TAB1: variants seen among roughly 807,000 people sequenced by gnomAD.
TAB1 encodes the protein TGF-beta activated kinase 1 (MAP3K7) binding protein 1, also known as TGF-beta-activated kinase 1 and MAP3K7-binding protein 1.
Under a neutral mutation model 54.5 loss-of-function variants are expected in TAB1, and 30 were observed. That is an observed-to-expected ratio of 0.55 (90% CI 0.41 to 0.75). TAB1 has a LOEUF of 0.75. Among genes scored for constraint, TAB1 ranks in the 30% least tolerant of loss-of-function variants. The pLI is 0.00. For missense variants in TAB1, 609 were observed against 683.2 expected (o/e 0.89, Z 1.21); for synonymous variants, 289 against 286.9 (o/e 1.01, Z -0.07).
chr22:39,421,688 C>A lies in TAB1; in HGVS notation c.777-139C>A, dbSNP rs555036897. The A allele has an allele frequency of 5.8e-5, 55 of 943,128 alleles. No individual in the cohort carries two copies. The South Asian group carries it at 9.1e-4, about 16-fold the overall frequency. 58.4% of individuals were successfully genotyped at this position (943,128 alleles called of 1,614,324 possible). A position where few individuals can be genotyped will look rare whatever the true frequency, so the allele number is the denominator to read the frequency against. On this transcript the variant is annotated intron_variant, in intron 7 of 10. Coordinates refer to ENST00000216160, the MANE Select transcript of TAB1 (RefSeq NM_006116.3). Reference sequence around the variant, plus strand: ...GATGGGTCTATTTTTCTGACCTTCTCTTTCTCTCTTTTCTTTTCCTCTTGT... The same window carrying A: ...GATGGGTCTATTTTTCTGACCTTCTATTTCTCTCTTTTCTTTTCCTCTTGT...
downstream of TAB1, chr22:39,431,956 G>A: frequency 1.2e-6 from 1 of 863,582 alleles, no homozygotes; most frequent in Non-Finnish European, 1.4e-6. Flanking sequence ...TCACTGCCCT[G>A]GAGGTTCAAG....
rs1369884709 is a variant in TAB1, at chr22:39,431,329, C to A, written c.*1107C>A. 4 of 985,466 alleles carry A rather than the reference C, an allele frequency of 4.1e-6. No homozygotes were observed. Among genetic ancestry groups the A allele is most frequent in the Non-Finnish European group, 4.8e-6 (4 of 830,064 alleles). 61.0% of individuals were successfully genotyped at this position (985,466 alleles called of 1,614,324 possible). On this transcript the variant is annotated 3_prime_UTR_variant, in exon 11 of 11. Transcript: ENST00000216160. ...AGGGCTGTCGGCCAGGATTGCCACT[C>A]CTGTTTCAGAGGAAGCAGGCCGAGA...
In TAB1 at chr22:39,431,134, G is replaced by A. The variant is rs577057947; in HGVS notation, c.*912G>A. Reference sequence around the variant, plus strand: ...AAGCAGGGGTTGTGAGTCAGGCTGGGGGACTTGTTTGAAAGAAAGAGGAGT... The same window carrying A: ...AAGCAGGGGTTGTGAGTCAGGCTGGAGGACTTGTTTGAAAGAAAGAGGAGT... On this transcript the variant is annotated 3_prime_UTR_variant, in exon 11 of 11. Coordinates refer to ENST00000216160, the MANE Select transcript of TAB1 (RefSeq NM_006116.3). 1.3e-5 allele frequency: 13 copies of A among 985,890 alleles called. No homozygotes were observed. The African/African-American group carries it at 2.1e-4, about 16-fold the overall frequency. 61.1% of individuals were successfully genotyped at this position (985,890 alleles called of 1,614,324 possible). A position where few individuals can be genotyped will look rare whatever the true frequency, so the allele number is the denominator to read the frequency against.
rs1926898019 is a variant in TAB1, at chr22:39,417,704, G to A, written c.412-7G>A. 6.2e-7 allele frequency: 1 copy of A among 1,605,968 alleles called. No individual in the cohort carries two copies. Among genetic ancestry groups the A allele is most frequent in the East Asian group, 2.2e-5 (1 of 44,648 alleles). Reference sequence around the variant, plus strand: ...GTCCTGCCCTGACCCTCTGTTGATGGTTGTAGGGAGTCCCTCAGCACCAGC... The same window carrying A: ...GTCCTGCCCTGACCCTCTGTTGATGATTGTAGGGAGTCCCTCAGCACCAGC... On this transcript the variant is annotated splice_region_variant and splice_polypyrimidine_tract_variant and intron_variant, in intron 4 of 10. Transcript: ENST00000216160.
At chr22:39,429,237 C>A (rs563067887) in intron 10 of TAB1, 2 of 985,420 alleles carry the variant, frequency 2.0e-6, no homozygotes, top group Admixed American at 1.2e-4. Context: ...CCCCACCCAG[C>A]TGATGAGAAG....
At chr22:39,422,400 CTTTTTT>C (rs965591327) in intron 8 of TAB1, among the ~76,000 whole-genome samples, 2 of 88,522 alleles carry the variant, frequency 2.3e-5, no homozygotes, top group Non-Finnish European at 4.5e-5. Flanking sequence ...CTTCTCATTT[CTTTTTT>C]TTTTTTTTTT....
chr22:39,421,682 C>T, intron 7 of TAB1, 145 bp from the exon 8 acceptor site: 8 of 872,840 alleles, frequency 9.2e-6, no homozygotes, highest in Non-Finnish European at 1.4e-5. Flanking sequence ...ATTTTTCTGA[C>T]CTTCTCTTTC....
intron 3 of TAB1, 169 bp from the exon 4 acceptor site, chr22:39,416,622 G>A (rs1206379002): frequency 1.2e-5 from 8 of 663,830 alleles, no homozygotes; most frequent in East Asian, 2.6e-5. Context: ...GGAAGCAGCC[G>A]GTGCCTTGCA....
chr22:39,436,453 T>G, downstream of TAB1: 1 of 1,545,740 alleles, frequency 6.5e-7, no homozygotes, highest in Non-Finnish European at 8.9e-7. Context: ...CTCTGGACTT[T>G]TCTTCATGTG....
At chr22:39,412,195 A>G (rs1926635973) in intron 1 of TAB1, among the ~76,000 whole-genome samples, 1 of 151,954 alleles carries the variant, frequency 6.6e-6, no homozygotes, top group Non-Finnish European at 1.5e-5. Context: ...GTGCGCCACC[A>G]CGCCCGGCTG....
rs1417473821 is a variant in TAB1 at position 39,406,693 on chromosome 22, C to T, written c.33+6858C>T. Among the ~76,000 whole-genome samples, 5 of 151,824 alleles carry T rather than the reference C, an allele frequency of 3.3e-5. 1 individual carries two copies. In the South Asian group the frequency reaches 6.2e-4, roughly 19 times the overall value. ...TGTCGCCCAGGCTGGAGTGCAGTGGCGCCATCTCGGCTCACTGCAAGCTCT... is the reference window on the plus strand; with the variant it reads ...TGTCGCCCAGGCTGGAGTGCAGTGGTGCCATCTCGGCTCACTGCAAGCTCT... On this transcript the variant is annotated intron_variant, in intron 1 of 10. Coordinates refer to ENST00000216160, the MANE Select transcript of TAB1 (RefSeq NM_006116.3).
At position 39,408,700 on chromosome 22, in the gene TAB1, A is replaced by C. The variant is rs187528969; in HGVS notation, c.34-6306A>C. Among the ~76,000 whole-genome samples, 463 of 152,176 alleles carry C rather than the reference A, an allele frequency of 3.0e-3. 3 individuals are homozygous for C. The highest frequency in any genetic ancestry group is 4.2e-3 in the Non-Finnish European group (285 of 68,018). On this transcript the variant is annotated intron_variant, in intron 1 of 10. Coordinates refer to ENST00000216160, the MANE Select transcript of TAB1 (RefSeq NM_006116.3). ...GTATTTTTAGTAGAGACAGGGTTTC[A>C]CCATATTGGCCAGGCTGGTCTTGAA...
chr22:39,406,616 T>C (rs538131388), intron 1 of TAB1, among the ~76,000 whole-genome samples: 29 of 152,004 alleles, frequency 1.9e-4, no homozygotes, highest in Admixed American at 1.7e-3. Flanking sequence ...TTTCTTACTC[T>C]TTCTTTATTT....
chr22:39,406,782 A>G (rs999901736), intron 1 of TAB1, among the ~76,000 whole-genome samples: 26 of 152,058 alleles, frequency 1.7e-4, no homozygotes, highest in African/African-American at 4.1e-4. Context: ...ACAGGCACCC[A>G]CCACCACGCC....
downstream of TAB1, chr22:39,432,767 G>A (rs1927635923): frequency 1.0e-6 from 1 of 985,640 alleles, no homozygotes; most frequent in Non-Finnish European, 1.2e-6. Flanking sequence ...TCTGCCCTAA[G>A]CGTGTGGGGC....
chr22:39,419,269 G>C (rs988213052), intron 6 of TAB1, among the ~76,000 whole-genome samples: 1 of 152,178 alleles, frequency 6.6e-6, no homozygotes, highest in South Asian at 2.1e-4. Context: ...GCAGGGAGAC[G>C]GCAGGCAAGC....
At chr22:39,427,957 G>T in intron 9 of TAB1, 64 bp from the exon 10 acceptor site, 1 of 1,443,022 alleles carries the variant, frequency 6.9e-7, no homozygotes, top group Non-Finnish European at 9.5e-7. Context: ...GAGCAGCTAT[G>T]CCCCTGCTAC....
chr22:39,401,550 A>G (rs549864850), intron 1 of TAB1, among the ~76,000 whole-genome samples: 38 of 152,302 alleles, frequency 2.5e-4, no homozygotes, highest in African/African-American at 8.4e-4. Flanking sequence ...AGAAGAGAGC[A>G]GCCACCTGGG....
rs1266511589 is a variant in TAB1, at chr22:39,415,000, C to G, written c.34-6C>G. The G allele has an allele frequency of 6.2e-7, 1 of 1,613,876 alleles. No individual in the cohort carries two copies. Among genetic ancestry groups the G allele is most frequent in the Non-Finnish European group, 8.5e-7 (1 of 1,179,974 alleles). Reference sequence around the variant, plus strand: ...CGTCTCACGGCTTCCTGGTGTCCTTCCCCAGGAGCAGCAGCCAAGCTGGAC... The same window carrying G: ...CGTCTCACGGCTTCCTGGTGTCCTTGCCCAGGAGCAGCAGCCAAGCTGGAC... On this transcript the variant is annotated splice_region_variant and splice_polypyrimidine_tract_variant and intron_variant, in intron 1 of 10. Coordinates refer to ENST00000216160, the MANE Select transcript of TAB1 (RefSeq NM_006116.3).
Sources: gnomAD v4.1 joint callset for allele counts (sites outside exome capture counted in the v4.1 genomes callset) on GRCh38, gnomAD v4.1.1 for gene constraint, MANE v1.5 for transcripts, NCBI Gene and HGNC (gene_info 2026-07-23, HGNC 2026-07-21) for gene names.